Variants in BFSP2 observed in about 807,000 individuals in gnomAD.
BFSP2 encodes the protein phakinin.
BFSP2 carries 38 observed loss-of-function variants against 44.9 expected under a neutral mutation model. The observed-to-expected ratio is 0.85, with a 90% confidence interval of 0.65 to 1.11. The LOEUF is 1.11. Ranked by LOEUF, BFSP2 falls within the 50% of genes least tolerant of loss-of-function variation. The probability of loss-of-function intolerance (pLI) is 0.00; values close to 1 mark genes in which losing one functional copy is unlikely to be tolerated. For missense variants in BFSP2, 525 were observed against 533.0 expected, an observed-to-expected ratio of 0.99 and a Z score of 0.15; for synonymous variants, 197 against 209.9, an observed-to-expected ratio of 0.94 and a Z score of 0.53.
chr3:133,458,312 A>T (rs1357646041), intron 4 of BFSP2, among the ~76,000 whole-genome samples: 1 of 152,244 alleles, frequency 6.6e-6, no homozygotes, highest in African/African-American at 2.4e-5. Flanking sequence ...AAAATCAAGA[A>T]TCAGAGCAGA....
At position 133,445,348 on chromosome 3, in the gene BFSP2, G is replaced by C. The variant is rs535015036; in HGVS notation, c.490-1969G>C. ...ATGTGAAACCGGGGTTCTCAAGGTT[G>C]AGTATGCATCATAAGCCCCTGGAAA... On this transcript the variant is annotated intron_variant, in intron 1 of 6. Transcript: ENST00000302334. The C allele has an allele frequency of 2.6e-5, 4 of 152,526 alleles. No homozygotes were observed. The South Asian group carries it at 8.3e-4, about 32-fold the overall frequency. 9.4% of individuals were successfully genotyped at this position (152,526 alleles called of 1,614,324 possible).
At chr3:133,471,000 G>A (rs1380172781) in intron 5 of BFSP2, among the ~76,000 whole-genome samples, 3 of 152,194 alleles carry the variant, frequency 2.0e-5, no homozygotes, top group Non-Finnish European at 4.4e-5. Flanking sequence ...GGAGCATGGT[G>A]CAGGTGGAGG....
At chr3:133,450,027 AGG>A (rs10689448) in intron 3 of BFSP2, among the ~76,000 whole-genome samples, 6 of 67,712 alleles carry the variant, frequency 8.9e-5, no homozygotes, top group Admixed American at 3.9e-4. Flanking sequence ...GGAGGGAGGG[AGG>A]GGGAGGGAAG....
intron 1 of BFSP2, among the ~76,000 whole-genome samples, chr3:133,406,249 G>A (rs1474772896): frequency 3.3e-5 from 5 of 152,244 alleles, no homozygotes; most frequent in Admixed American, 6.5e-5. Context: ...GTGAGCCACC[G>A]TGCCCAGCCA....
chr3:133,458,983 T>C (rs544653344), intron 4 of BFSP2, among the ~76,000 whole-genome samples: 1 of 152,318 alleles, frequency 6.6e-6, no homozygotes, highest in East Asian at 1.9e-4. Context: ...CGTCCCAGAC[T>C]ACCTGACTGT....
intron 1 of BFSP2, among the ~76,000 whole-genome samples, chr3:133,421,250 C>T (rs1251128722): frequency 1.3e-5 from 2 of 152,192 alleles, no homozygotes; most frequent in African/African-American, 4.8e-5. Flanking sequence ...TTTCCCAGGG[C>T]TACCATAACA....
At chr3:133,446,884 G>A (rs1026819223) in intron 1 of BFSP2, among the ~76,000 whole-genome samples, 6 of 151,554 alleles carry the variant, frequency 4.0e-5, no homozygotes, top group Non-Finnish European at 7.4e-5. Context: ...CATTTCCACC[G>A]TCACAGGAAG....
intron 1 of BFSP2, among the ~76,000 whole-genome samples, chr3:133,430,585 C>T (rs1033883473): frequency 5.9e-5 from 9 of 152,134 alleles, no homozygotes; most frequent in African/African-American, 2.2e-4. Context: ...ATTTTTCCAC[C>T]CTACAAGATC....
chr3:133,429,882 T>C (rs1466370336), intron 1 of BFSP2, among the ~76,000 whole-genome samples: 1 of 151,758 alleles, frequency 6.6e-6, no homozygotes, highest in Non-Finnish European at 1.5e-5. Flanking sequence ...ATTAGGTATA[T>C]CTCCTAATGC....
intron 4 of BFSP2, among the ~76,000 whole-genome samples, chr3:133,456,711 A>G (rs2074016155): frequency 6.6e-6 from 1 of 152,210 alleles, no homozygotes; most frequent in Admixed American, 6.5e-5. Flanking sequence ...TGATCGCACC[A>G]CTGCACTCCA....
At chr3:133,426,341 G>A (rs2073654280) in intron 1 of BFSP2, among the ~76,000 whole-genome samples, 1 of 152,188 alleles carries the variant, frequency 6.6e-6, no homozygotes, top group Non-Finnish European at 1.5e-5. Context: ...GGAAGCACCT[G>A]TCAGGCATTG....
intron 1 of BFSP2, among the ~76,000 whole-genome samples, chr3:133,416,159 G>C: frequency 3.3e-5 from 3 of 89,610 alleles, no homozygotes; most frequent in Admixed American, 1.3e-4. Context: ...CTTCACCACT[G>C]TCCTCTCCCC....
chr3:133,460,468 G>A (rs139485625), intron 4 of BFSP2, among the ~76,000 whole-genome samples: 326 of 152,302 alleles, frequency 2.1e-3, no homozygotes, highest in South Asian at 0.011. Flanking sequence ...ATGTTGCCCA[G>A]GCTGGTCTTG....
At chr3:133,451,794 T>G (rs1489622556) in intron 4 of BFSP2, among the ~76,000 whole-genome samples, 1 of 152,214 alleles carries the variant, frequency 6.6e-6, no homozygotes, top group Non-Finnish European at 1.5e-5. Flanking sequence ...GAAAAACAAC[T>G]TTTATTAAAC....
Position 133,472,506 on chromosome 3 carries a change from G to A in BFSP2, c.1185G>A (p.Lys395=). Residue 395 remains lysine (K), a synonymous_variant, in exon 6 of 7, where the codon AAG becomes AAA. Transcript: ENST00000302334. ...AGCGCGCGCATCTGCTGGCCCGCAAGTGCCAGCTGCAGAAGGACGTGGCGT... is the reference window on the plus strand; with the variant it reads ...AGCGCGCGCATCTGCTGGCCCGCAAATGCCAGCTGCAGAAGGACGTGGCGT... ...QQERAHLLAR[K]CQLQKDVASY... is the part of the protein sequence containing the mutation. 2 of 1,613,264 alleles carry A rather than the reference G, an allele frequency of 1.2e-6. No homozygotes were observed. Among genetic ancestry groups the A allele is most frequent in the Non-Finnish European group, 1.7e-6 (2 of 1,180,022 alleles).
At position 133,472,407 on chromosome 3, in the gene BFSP2, C is replaced by T. The variant is rs921777620; in HGVS notation, c.1086C>T (p.Asn362=). Reference sequence around the variant, plus strand: ...ACTGGCATGACATGGAGCTCCAGAACCTGGGCGCTGTGGTCGGCCGGCTGG... The same window carrying T: ...ACTGGCATGACATGGAGCTCCAGAATCTGGGCGCTGTGGTCGGCCGGCTGG... ...AKHWHDMELQ[N]LGAVVGRLEA... The change falls in exon 6 of 7, where the codon AAC becomes AAT. Residue 362 remains asparagine (N), a synonymous_variant. Coordinates refer to ENST00000302334, the MANE Select transcript of BFSP2 (RefSeq NM_003571.4). 2.9e-5 allele frequency: 46 copies of T among 1,614,000 alleles called. No individual in the cohort carries two copies. The highest frequency in any genetic ancestry group is 3.6e-5 in the Non-Finnish European group (42 of 1,180,014).
chr3:133,461,340 T>C (rs2074059793), intron 4 of BFSP2, among the ~76,000 whole-genome samples: 1 of 152,248 alleles, frequency 6.6e-6, no homozygotes. Context: ...AAAATCTTTA[T>C]TATGTTTCAA....
chr3:133,450,259 A>G (rs754268390), intron 3 of BFSP2, 44 bp from the exon 4 acceptor site: 2 of 1,609,228 alleles, frequency 1.2e-6, no homozygotes, highest in East Asian at 2.2e-5. Flanking sequence ...TATGCCATTT[A>G]TTTCCCCCCG....
chr3:133,424,212 A>ATTTTTT (rs112772093), intron 1 of BFSP2, among the ~76,000 whole-genome samples: 3 of 64,770 alleles, frequency 4.6e-5, no homozygotes, highest in Admixed American at 2.0e-4. Context: ...CGTCCAGCTA[A>ATTTTTT]TTTTTTTTTT....
Sources: gnomAD v4.1 joint callset for allele counts (sites outside exome capture counted in the v4.1 genomes callset) on GRCh38, gnomAD v4.1.1 for gene constraint, MANE v1.5 for transcripts, NCBI Gene and HGNC (gene_info 2026-07-23, HGNC 2026-07-21) for gene names.